The following NEB variants were observed in gnomAD, a reference collection of about 807,000 sequenced individuals.
NEB encodes the protein nemaline myopathy type 2.
A neutral mutation model predicts 952.2 loss-of-function variants in NEB; 512 were observed. That is an observed-to-expected ratio of 0.54 (90% CI 0.50 to 0.58). The LOEUF is 0.58. Ranked by LOEUF, NEB falls within the 20% of genes least tolerant of loss-of-function variation. The pLI is 0.00. For synonymous variants in NEB, 2,900 were observed against 3,149.8 expected (o/e 0.92, Z 2.66); for missense variants, 8,428 against 9,231.1 (o/e 0.91, Z 3.56).
At chr2:151,490,227 C>T (rs2152770506) in intron 180 of NEB, 145 bp downstream of exon 180, 1 of 1,174,470 alleles carries the variant, frequency 8.5e-7, no homozygotes, top group Non-Finnish European at 1.2e-6. Flanking sequence ...TAACTTCATG[C>T]AGCCCTCCAC....
chr2:151,627,393 T>A, intron 69 of NEB, 130 bp downstream of exon 69: 3 of 1,450,380 alleles, frequency 2.1e-6, no homozygotes, highest in Non-Finnish European at 2.8e-6. Context: ...AGGGGAAGAG[T>A]TGCCTAAAAA....
chr2:151,530,823 G>T, intron 145 of NEB, 171 bp downstream of exon 145: 1 of 566,670 alleles, frequency 1.8e-6, no homozygotes, highest in Non-Finnish European at 3.1e-6. Flanking sequence ...GGACTGTTCA[G>T]CTGTGTCCAG....
chr2:151,665,036 T>G (rs1302302870), intron 42 of NEB, among the ~76,000 whole-genome samples, 173 bp from the exon 43 acceptor site: 1 of 152,006 alleles, frequency 6.6e-6, no homozygotes, highest in Non-Finnish European at 1.5e-5. Flanking sequence ...AGAAAAAAAT[T>G]GTTGAATACG....
intron 67 of NEB, 66 bp downstream of exon 67, chr2:151,630,649 G>A: frequency 7.6e-7 from 1 of 1,318,732 alleles, no homozygotes; most frequent in East Asian, 2.5e-5. Flanking sequence ...TGAGGCCCAA[G>A]AATCTCCACA....
chr2:151,530,969 A>G, intron 145 of NEB, 25 bp downstream of exon 145: 1 of 1,492,108 alleles, frequency 6.7e-7, no homozygotes, highest in Non-Finnish European at 9.3e-7. Flanking sequence ...GATGAGAGGG[A>G]CTGCTAAACC....
rs1423926668 is a variant in NEB, at chr2:151,642,757, T to C, written c.8265+8A>G. ...AAATGTATCACGCACTATGAATATATTACTTACCTCACTGTAATTTACTTT... is the reference window on the plus strand; with the variant it reads ...AAATGTATCACGCACTATGAATATACTACTTACCTCACTGTAATTTACTTT... On this transcript the variant is annotated splice_region_variant and intron_variant, in intron 59 of 181. Transcript: ENST00000397345. 3 of 1,606,012 alleles carry C rather than the reference T, an allele frequency of 1.9e-6. No individual in the cohort carries two copies. The highest frequency in any genetic ancestry group is 3.4e-5 in the Admixed American group (2 of 59,612).
chr2:151,605,503 A>T (rs184763330), intron 84 of NEB, among the ~76,000 whole-genome samples: 10,163 of 109,244 alleles, frequency 0.093, 157 homozygotes, highest in African/African-American at 0.11. Flanking sequence ...AGATAACAAC[A>T]AAAGTTCTGT....
chr2:151,514,723 G>C, intron 158 of NEB, 95 bp downstream of exon 158: 5 of 876,226 alleles, frequency 5.7e-6, no homozygotes, highest in Non-Finnish European at 8.8e-6. Context: ...CCCACAGTTA[G>C]GTGGTGATGT....
chr2:151,514,769 G>T, intron 158 of NEB, 49 bp downstream of exon 158: 1 of 1,253,282 alleles, frequency 8.0e-7, no homozygotes, highest in Non-Finnish European at 1.1e-6. Context: ...AGTGTCACTA[G>T]TGCAATTATT....
intron 166 of NEB, 99 bp downstream of exon 166, chr2:151,503,250 C>A (rs1052141153): frequency 1.2e-6 from 1 of 868,748 alleles, no homozygotes; most frequent in Admixed American, 2.2e-5. Context: ...CAGACACACA[C>A]AGAATTGCTG....
chr2:151,575,442 G>T (rs532715542), intron 107 of NEB, among the ~76,000 whole-genome samples: 1 of 151,730 alleles, frequency 6.6e-6, no homozygotes, highest in Non-Finnish European at 1.5e-5. Context: ...CACCTTCTTT[G>T]TCCCCTTATT....
At chr2:151,615,703 TA>T (rs200022613) in intron 76 of NEB, among the ~76,000 whole-genome samples, 8 of 152,264 alleles carry the variant, frequency 5.3e-5, no homozygotes, top group East Asian at 3.9e-4. Flanking sequence ...ATTATTTATT[TA>T]TTTTTTTTGA....
intron 167 of NEB, among the ~76,000 whole-genome samples, chr2:151,502,192 G>T (rs2065148856): frequency 6.6e-6 from 1 of 151,976 alleles, no homozygotes; most frequent in Non-Finnish European, 1.5e-5. Context: ...GCATAAGAAT[G>T]ATACAGTGAA....
chr2:151,501,847 C>G (rs1473557919), intron 167 of NEB, among the ~76,000 whole-genome samples: 1 of 151,950 alleles, frequency 6.6e-6, no homozygotes, highest in African/African-American at 2.4e-5. Flanking sequence ...GAGAGAGAGA[C>G]AGGTAGGTTT....
intron 3 of NEB, among the ~76,000 whole-genome samples, chr2:151,732,820 T>G (rs1276275563): frequency 6.6e-6 from 1 of 152,174 alleles, no homozygotes; most frequent in Non-Finnish European, 1.5e-5. Context: ...ACATCGGGGT[T>G]GGGAAGTGGG....
chr2:151,500,878 T>A (rs921875954), intron 168 of NEB, among the ~76,000 whole-genome samples: 1 of 152,180 alleles, frequency 6.6e-6, no homozygotes, highest in South Asian at 2.1e-4. Context: ...AGGTGACAGG[T>A]GTGAGCCACC....
chr2:151,698,894 G>A (rs1222062703), intron 13 of NEB, among the ~76,000 whole-genome samples: 3 of 147,670 alleles, frequency 2.0e-5, no homozygotes, highest in Non-Finnish European at 4.5e-5. Context: ...TATACTTTAA[G>A]TTTTAGGGTA....
intron 161 of NEB, 126 bp from the exon 162 acceptor site, chr2:151,508,235 T>C (rs982504223): frequency 1.7e-5 from 10 of 576,840 alleles, no homozygotes; most frequent in Non-Finnish European, 3.0e-5. Context: ...TTTTCTTAAC[T>C]GTCCAAGGAT....
intron 13 of NEB, among the ~76,000 whole-genome samples, chr2:151,705,497 AC>A (rs1317505561): frequency 6.6e-6 from 1 of 152,232 alleles, no homozygotes. Context: ...TAGCACAGCC[AC>A]CATGGAAAAC....
Sources: gnomAD v4.1 joint callset for allele counts (sites outside exome capture counted in the v4.1 genomes callset) on GRCh38, gnomAD v4.1.1 for gene constraint, MANE v1.5 for transcripts, NCBI Gene and HGNC (gene_info 2026-07-23, HGNC 2026-07-21) for gene names.